Variants in SRD5A2 observed in about 807,000 individuals in gnomAD.
SRD5A2 encodes steroid 5 alpha-reductase 2, also known as 3-oxo-5-alpha-steroid 4-dehydrogenase 2.
Under a neutral mutation model 27.4 loss-of-function variants are expected in SRD5A2, and 30 were observed. The ratio of observed to expected loss-of-function variants is 1.10; its 90% CI spans 0.82 to 1.49. SRD5A2 has a LOEUF of 1.49. SRD5A2 is among the 40% of genes most tolerant of loss of function. SRD5A2 has a pLI of 0.00. For synonymous variants in SRD5A2, 141 were observed against 133.6 expected (o/e 1.06, Z -0.38); for missense variants, 348 against 323.4 (o/e 1.08, Z -0.58).
intron 1 of SRD5A2, among the ~76,000 whole-genome samples, chr2:31,565,588 C>A (rs1666713502): frequency 6.6e-6 from 1 of 151,746 alleles, no homozygotes; most frequent in Non-Finnish European, 1.5e-5. Context: ...AAGTAGATTT[C>A]AAAGCAAGAT....
chr2:31,554,477 A>G (rs1205118662), intron 1 of SRD5A2, among the ~76,000 whole-genome samples: 1 of 152,200 alleles, frequency 6.6e-6, no homozygotes, highest in African/African-American at 2.4e-5. Flanking sequence ...TTCAATATGG[A>G]CATTCCCTGT....
upstream of SRD5A2, among the ~76,000 whole-genome samples, chr2:31,583,188 T>G (rs1403096006): frequency 6.6e-6 from 1 of 152,202 alleles, no homozygotes; most frequent in Non-Finnish European, 1.5e-5. Context: ...TGGAGAAACT[T>G]AGCTGAGGCT....
the SRD5A2 span, among the ~76,000 whole-genome samples, chr2:31,629,025 C>A: frequency 6.6e-6 from 1 of 151,974 alleles, no homozygotes; most frequent in African/African-American, 2.4e-5. Context: ...AGTTTCAAAC[C>A]AAATTAAAAA....
At chr2:31,567,856 T>A (rs1369628507) in intron 1 of SRD5A2, among the ~76,000 whole-genome samples, 3 of 152,066 alleles carry the variant, frequency 2.0e-5, no homozygotes, top group Non-Finnish European at 4.4e-5. Flanking sequence ...ATCTGTCCAC[T>A]CAGCCTGGCA....
the SRD5A2 span, among the ~76,000 whole-genome samples, chr2:31,630,528 C>G: frequency 6.6e-6 from 1 of 152,204 alleles, no homozygotes; most frequent in East Asian, 1.9e-4. Flanking sequence ...ACTGAGACCA[C>G]TGACAACCAG....
chr2:31,662,452 G>A, the SRD5A2 span, among the ~76,000 whole-genome samples: 29 of 152,006 alleles, frequency 1.9e-4, no homozygotes, highest in Non-Finnish European at 3.2e-4. Flanking sequence ...CTGACTAGCC[G>A]GGACTACAGG....
the SRD5A2 span, among the ~76,000 whole-genome samples, chr2:31,629,901 T>C: frequency 1.3e-5 from 2 of 152,176 alleles, no homozygotes; most frequent in African/African-American, 4.8e-5. Context: ...CTCTCCCAAG[T>C]ATTAGAGCAA....
At chr2:31,615,139 G>C in the SRD5A2 span, among the ~76,000 whole-genome samples, 7 of 152,184 alleles carry the variant, frequency 4.6e-5, no homozygotes, top group African/African-American at 1.7e-4. Context: ...TCTCAGGTAT[G>C]TCTTTATCAG....
intron 1 of SRD5A2, among the ~76,000 whole-genome samples, chr2:31,540,427 C>A (rs764752270): frequency 6.6e-6 from 1 of 151,958 alleles, no homozygotes; most frequent in African/African-American, 2.4e-5. Context: ...TAAAACATAA[C>A]CAAACAATAG....
chr2:31,557,335 A>G (rs1215402890), intron 1 of SRD5A2, among the ~76,000 whole-genome samples: 1 of 152,252 alleles, frequency 6.6e-6, no homozygotes, highest in Non-Finnish European at 1.5e-5. Context: ...CCAATGACAT[A>G]ATGACTCCCA....
intron 1 of SRD5A2, among the ~76,000 whole-genome samples, chr2:31,536,641 T>C (rs1292597395): frequency 6.6e-6 from 1 of 152,232 alleles, no homozygotes; most frequent in African/African-American, 2.4e-5. Context: ...GGAGAACAAA[T>C]AAAGTTCATC....
At chr2:31,584,646 G>T (rs1250886065), upstream of SRD5A2, among the ~76,000 whole-genome samples, 1 of 152,128 alleles carries the variant, frequency 6.6e-6, no homozygotes, top group East Asian at 1.9e-4. Context: ...AAAGAACTCT[G>T]GAAAGCACTA....
upstream of SRD5A2, among the ~76,000 whole-genome samples, chr2:31,585,162 C>G (rs979943410): frequency 2.5e-4 from 38 of 152,202 alleles, no homozygotes; most frequent in Admixed American, 1.9e-3. Flanking sequence ...TCAGTTCCCA[C>G]AAACCTCACC....
the SRD5A2 span, among the ~76,000 whole-genome samples, chr2:31,613,335 A>G: frequency 3.9e-5 from 6 of 152,246 alleles, no homozygotes; most frequent in African/African-American, 1.4e-4. Flanking sequence ...AGCAAAACCC[A>G]ACTAAAAAAT....
chr2:31,647,545 G>C, the SRD5A2 span, among the ~76,000 whole-genome samples: 2 of 152,078 alleles, frequency 1.3e-5, no homozygotes, highest in Non-Finnish European at 2.9e-5. Flanking sequence ...TAGATTATTT[G>C]ATTTTATTCC....
At chr2:31,590,599 CA>C in the SRD5A2 span, among the ~76,000 whole-genome samples, 1 of 151,920 alleles carries the variant, frequency 6.6e-6, no homozygotes, top group Non-Finnish European at 1.5e-5. Context: ...CATATGGAAC[CA>C]AAAAAGAGCC....
At chr2:31,644,882 T>C in the SRD5A2 span, among the ~76,000 whole-genome samples, 1 of 152,212 alleles carries the variant, frequency 6.6e-6, no homozygotes, top group East Asian at 1.9e-4. Flanking sequence ...CATATTTCTC[T>C]AAAATGGTTC....
At chr2:31,623,709 C>G in the SRD5A2 span, among the ~76,000 whole-genome samples, 1 of 151,994 alleles carries the variant, frequency 6.6e-6, no homozygotes, top group Non-Finnish European at 1.5e-5. Flanking sequence ...TTTCAAGATT[C>G]GCCCATTTAG....
the SRD5A2 span, among the ~76,000 whole-genome samples, chr2:31,616,993 A>G: frequency 1.3e-4 from 20 of 152,108 alleles, no homozygotes; most frequent in Non-Finnish European, 2.6e-4. Flanking sequence ...GTAGTGAATA[A>G]GTCTTATGAG....
Sources: allele counts gnomAD v4.1 joint callset (sites outside exome capture counted in the v4.1 genomes callset), GRCh38; gene constraint gnomAD v4.1.1; transcripts MANE v1.5; gene names NCBI Gene and HGNC (gene_info 2026-07-23, HGNC 2026-07-21).